LUZP2: variants seen among roughly 807,000 people sequenced by gnomAD.
The protein encoded by LUZP2 is leucine zipper protein 2.
In LUZP2, 52 loss-of-function variants were observed where a neutral mutation model predicts 51.6. That is an observed-to-expected ratio of 1.01 (90% CI 0.81 to 1.27). LUZP2 has a LOEUF of 1.27. Among genes scored for constraint, LUZP2 ranks in the 50% most tolerant of loss-of-function variants. The pLI, the probability that LUZP2 is intolerant of heterozygous loss-of-function variation, is 0.00. For missense variants in LUZP2, 436 were observed against 395.4 expected (o/e 1.10, Z -0.87); for synonymous variants, 154 against 137.3 (o/e 1.12, Z -0.85).
intron 1 of LUZP2, among the ~76,000 whole-genome samples, chr11:24,702,784 G>T (rs1159293792): frequency 6.6e-6 from 1 of 152,058 alleles, no homozygotes; most frequent in Admixed American, 6.5e-5. Context: ...CTATGTGAGT[G>T]TTGTCATTTC....
At chr11:24,865,750 ATATT>A (rs1851873494) in intron 5 of LUZP2, among the ~76,000 whole-genome samples, 8 of 149,354 alleles carry the variant, frequency 5.4e-5, no homozygotes, top group Middle Eastern at 3.5e-3. Flanking sequence ...GTGTGTATAT[ATATT>A]TATATGTGTA....
intron 1 of LUZP2, among the ~76,000 whole-genome samples, chr11:24,689,604 A>C (rs893299454): frequency 1.3e-5 from 2 of 152,092 alleles, no homozygotes; most frequent in Admixed American, 1.3e-4. Flanking sequence ...GTGGCCTGAC[A>C]TTCCTGAGAC....
chr11:24,842,392 A>G (rs946842373), intron 5 of LUZP2, among the ~76,000 whole-genome samples: 2 of 151,800 alleles, frequency 1.3e-5, no homozygotes, highest in African/African-American at 4.8e-5. Context: ...TATGAAGCAA[A>G]ACAGCTATTG....
chr11:24,819,283 C>T (rs1850286181), intron 5 of LUZP2, among the ~76,000 whole-genome samples: 2 of 152,134 alleles, frequency 1.3e-5, no homozygotes, highest in South Asian at 2.1e-4. Flanking sequence ...TTGAAAAGCC[C>T]TCCATAATAC....
At chr11:24,801,683 T>C (rs552446393) in intron 5 of LUZP2, among the ~76,000 whole-genome samples, 1 of 151,892 alleles carries the variant, frequency 6.6e-6, no homozygotes, top group Non-Finnish European at 1.5e-5. Flanking sequence ...AATAATATTC[T>C]AATAGTATTA....
intron 6 of LUZP2, 23 bp downstream of exon 6, chr11:24,906,076 T>C (rs1853444389): frequency 6.3e-7 from 1 of 1,583,636 alleles, no homozygotes; most frequent in African/African-American, 1.3e-5. Context: ...TTGCTTCTTC[T>C]AGCTTTAACC....
chr11:24,730,427 C>T (rs957969932), intron 2 of LUZP2, among the ~76,000 whole-genome samples: 3 of 150,808 alleles, frequency 2.0e-5, no homozygotes, highest in Admixed American at 6.6e-5. Flanking sequence ...AAATTATACA[C>T]AACCCAGTAG....
chr11:24,763,167 C>A (rs914844466), intron 4 of LUZP2, 79 bp from the exon 5 acceptor site: 69 of 665,324 alleles, frequency 1.0e-4, no homozygotes, highest in Non-Finnish European at 1.5e-4. Context: ...TTTATTATTT[C>A]TCAAAATAAT....
intron 4 of LUZP2, among the ~76,000 whole-genome samples, chr11:24,745,046 G>T (rs926969276): frequency 1.4e-4 from 22 of 151,996 alleles, no homozygotes; most frequent in African/African-American, 5.1e-4. Context: ...TTGATTTCCA[G>T]TTTTTTTCCA....
chr11:24,606,255 A>G (rs1460075335), intron 1 of LUZP2, among the ~76,000 whole-genome samples: 1 of 151,972 alleles, frequency 6.6e-6, no homozygotes, highest in Non-Finnish European at 1.5e-5. Context: ...AAAGCAATGC[A>G]CATTCAGTAG....
In LUZP2 at chr11:24,963,985, G is replaced by C. The variant is rs527280004; in HGVS notation, c.523-12606G>C. ...AATAAACATGGGAATGCAGATATCT[G>C]TTTGACATACTGATTTCAAATCTTT... On this transcript the variant is annotated intron_variant, in intron 7 of 11. Coordinates refer to ENST00000336930, the MANE Select transcript of LUZP2 (RefSeq NM_001009909.4). Among the ~76,000 whole-genome samples, 5 of 152,288 alleles carry C rather than the reference G, an allele frequency of 3.3e-5. No individual in the cohort carries two copies. The South Asian group carries it at 8.3e-4, about 25-fold the overall frequency.
intron 1 of LUZP2, among the ~76,000 whole-genome samples, chr11:24,646,134 C>T (rs1012994030): frequency 4.6e-5 from 7 of 151,928 alleles, no homozygotes; most frequent in African/African-American, 1.7e-4. Flanking sequence ...GATTATTTGA[C>T]CAGATTTAAG....
intron 1 of LUZP2, among the ~76,000 whole-genome samples, chr11:24,589,923 G>A (rs1590214243): frequency 3.4e-5 from 1 of 29,382 alleles, no homozygotes. Flanking sequence ...CACAACCGAA[G>A]TAATTGGGGT....
chr11:24,792,587 C>A (rs7944540), intron 5 of LUZP2, among the ~76,000 whole-genome samples: 1,920 of 152,176 alleles, frequency 0.013, 31 homozygotes, highest in African/African-American at 0.037. Context: ...CTCTGACCTA[C>A]AGGAAAATGT....
intron 1 of LUZP2, among the ~76,000 whole-genome samples, chr11:24,714,596 A>G (rs955532931): frequency 6.6e-6 from 1 of 152,164 alleles, no homozygotes; most frequent in African/African-American, 2.4e-5. Flanking sequence ...CATGGGCTGA[A>G]TGCACCCCCC....
chr11:24,885,417 G>A (rs1852637967), intron 5 of LUZP2, among the ~76,000 whole-genome samples: 1 of 151,994 alleles, frequency 6.6e-6, no homozygotes, highest in African/African-American at 2.4e-5. Flanking sequence ...TTTTATGAAA[G>A]AGAAAACAAG....
chr11:24,692,120 A>G (rs1857090603), intron 1 of LUZP2, among the ~76,000 whole-genome samples: 1 of 151,432 alleles, frequency 6.6e-6, no homozygotes, highest in South Asian at 2.1e-4. Context: ...ATTTCTTGAT[A>G]TTCACTATCA....
At chr11:24,778,065 A>G (rs1197539082) in intron 5 of LUZP2, among the ~76,000 whole-genome samples, 1 of 152,100 alleles carries the variant, frequency 6.6e-6, no homozygotes, top group African/African-American at 2.4e-5. Context: ...CATAACTCAT[A>G]GAAATGAGAG....
At chr11:24,669,633 G>T (rs1856336175) in intron 1 of LUZP2, among the ~76,000 whole-genome samples, 2 of 151,946 alleles carry the variant, frequency 1.3e-5, no homozygotes. Flanking sequence ...AGAGCACATT[G>T]TTTGGATTAT....
Sources: allele counts gnomAD v4.1 joint callset (sites outside exome capture counted in the v4.1 genomes callset), GRCh38; gene constraint gnomAD v4.1.1; transcripts MANE v1.5; gene names NCBI Gene and HGNC (gene_info 2026-07-23, HGNC 2026-07-21).